HEG1: variants seen among roughly 807,000 people sequenced by gnomAD.
The protein encoded by HEG1 is heart development protein with EGF like domains 1, also known as protein HEG homolog 1.
A neutral mutation model predicts 125.6 loss-of-function variants in HEG1; 56 were observed. That is an observed-to-expected ratio of 0.45 (90% CI 0.36 to 0.56). The LOEUF (loss-of-function observed/expected upper bound fraction) is 0.56, where lower values mean the gene tolerates loss of function less well. HEG1 is among the 20% of genes least tolerant of loss of function. HEG1 has a pLI of 0.00. For missense variants in HEG1, 1,523 were observed against 1,670.0 expected (o/e 0.91, Z 1.53); for synonymous variants, 644 against 668.5 (o/e 0.96, Z 0.57).
rs1050616716 is a variant in HEG1 at position 124,968,539 on chromosome 3, T to C, written c.*2113A>G. The C allele has an allele frequency of 6.6e-6, 1 of 152,244 alleles. No individual in the cohort carries two copies. Among genetic ancestry groups the C allele is most frequent in the Non-Finnish European group, 1.5e-5 (1 of 68,056 alleles). 9.4% of individuals were successfully genotyped at this position (152,244 alleles called of 1,614,324 possible). The stretch of plus-strand genomic sequence containing the variant: ...GATGTTGGGATTCTTCCCAAGAATG[T>C]TTTCAGGACAGAACACTTCATTTTG... On this transcript the variant is annotated 3_prime_UTR_variant, in exon 17 of 17. Transcript: ENST00000311127.
At chr3:124,990,714 A>G (rs1936818718) in intron 14 of HEG1, 73 bp downstream of exon 14, 1 of 1,382,218 alleles carries the variant, frequency 7.2e-7, no homozygotes, top group East Asian at 2.5e-5. Flanking sequence ...AAGTGGGAGG[A>G]GACTGACACC....
At chr3:125,041,670 A>G (rs1247322179) in intron 1 of HEG1, among the ~76,000 whole-genome samples, 1 of 152,246 alleles carries the variant, frequency 6.6e-6, no homozygotes, top group Middle Eastern at 3.2e-3. Context: ...AGGATTATTC[A>G]CAACAGCTAA....
intron 10 of HEG1, 106 bp from the exon 11 acceptor site, chr3:125,002,118 G>T: frequency 1.3e-6 from 2 of 1,520,536 alleles, no homozygotes; most frequent in Non-Finnish European, 9.1e-7. Context: ...GGATGGGAGA[G>T]CATGAAGGTC....
chr3:125,027,105 C>T, intron 3 of HEG1, 100 bp downstream of exon 3: 3 of 1,157,048 alleles, frequency 2.6e-6, no homozygotes, highest in Non-Finnish European at 3.6e-6. Context: ...GTCTTTTCCC[C>T]TTACCCACTA....
At chr3:125,002,092 C>T (rs1330346748) in intron 10 of HEG1, 80 bp from the exon 11 acceptor site, 1 of 1,542,068 alleles carries the variant, frequency 6.5e-7, no homozygotes, top group Non-Finnish European at 8.9e-7. Flanking sequence ...AATGTCATCG[C>T]CATTCACCAG....
intron 15 of HEG1, among the ~76,000 whole-genome samples, chr3:124,977,521 G>A (rs1936568756): frequency 6.6e-6 from 1 of 152,136 alleles, no homozygotes; most frequent in Non-Finnish European, 1.5e-5. Flanking sequence ...ACCCATATTT[G>A]CAAGTATGGG....
intron 14 of HEG1, among the ~76,000 whole-genome samples, chr3:124,984,444 CAA>C (rs1936707248): frequency 6.6e-6 from 1 of 152,050 alleles, no homozygotes; most frequent in African/African-American, 2.4e-5. Context: ...TCTATGATCA[CAA>C]AATGACAATA....
chr3:125,019,659 TAAG>T (rs1937307705), intron 4 of HEG1, 62 bp from the exon 5 acceptor site: 2 of 1,360,554 alleles, frequency 1.5e-6, no homozygotes, highest in African/African-American at 2.9e-5. Flanking sequence ...CCTTGGCAAC[TAAG>T]AAGTGAGACC....
chr3:125,016,771 C>T (rs1937255087), intron 5 of HEG1, among the ~76,000 whole-genome samples: 1 of 152,150 alleles, frequency 6.6e-6, no homozygotes, highest in African/African-American at 2.4e-5. Flanking sequence ...GAATTTAAAC[C>T]TATTCAAAGC....
chr3:125,005,755 G>A (rs1405682780), intron 8 of HEG1, among the ~76,000 whole-genome samples: 1 of 152,196 alleles, frequency 6.6e-6, no homozygotes. Context: ...CCTAGGAGGA[G>A]GGAGGGAGAT....
At chr3:125,040,018 C>G (rs562846066) in intron 1 of HEG1, among the ~76,000 whole-genome samples, 1 of 152,248 alleles carries the variant, frequency 6.6e-6, no homozygotes, top group East Asian at 1.9e-4. Flanking sequence ...GAAGACTGAG[C>G]AAGAGGACTT....
intron 1 of HEG1, among the ~76,000 whole-genome samples, chr3:125,053,460 G>C (rs145241774): frequency 6.6e-6 from 1 of 152,322 alleles, no homozygotes; most frequent in Non-Finnish European, 1.5e-5. Flanking sequence ...GCTTCTAGCA[G>C]CTTCAACAGG....
intron 1 of HEG1, among the ~76,000 whole-genome samples, chr3:125,032,914 T>G (rs1224273152): frequency 1.3e-5 from 2 of 152,118 alleles, no homozygotes; most frequent in Admixed American, 6.6e-5. Flanking sequence ...GGACCAGGAT[T>G]GGAAGTCCCA....
chr3:125,042,245 T>G (rs1579437475), intron 1 of HEG1, among the ~76,000 whole-genome samples: 1 of 152,202 alleles, frequency 6.6e-6, no homozygotes, highest in African/African-American at 2.4e-5. Flanking sequence ...CTGGCCAACA[T>G]GGCAAAACCC....
chr3:124,996,124 C>T (rs148278368), intron 12 of HEG1, among the ~76,000 whole-genome samples: 136 of 151,912 alleles, frequency 9.0e-4, no homozygotes, highest in African/African-American at 3.2e-3. Context: ...AGATGTTGCC[C>T]AGGCTGCAGT....
In HEG1 at chr3:124,977,963, CA is replaced by C. The variant is rs61603696; in HGVS notation, c.3734-18del. 340,409 of 1,539,094 alleles carry C rather than the reference CA, an allele frequency of 0.22. 39,128 individuals are homozygous for C. The highest frequency in any genetic ancestry group is 0.37 in the East Asian group (15,168 of 41,156). On this transcript the variant is annotated intron_variant, in intron 14 of 16. Coordinates refer to ENST00000311127, the MANE Select transcript of HEG1 (RefSeq NM_020733.2). The stretch of plus-strand genomic sequence containing the variant: ...GCTGATAGGCTAAACGTAAAACAAA[CA>C]AAAAAGCATATTGGCTGGAGGTAAT...
At chr3:125,014,167 C>G (rs981991026) in intron 5 of HEG1, among the ~76,000 whole-genome samples, 177 bp from the exon 6 acceptor site, 5 of 152,090 alleles carry the variant, frequency 3.3e-5, no homozygotes, top group Admixed American at 3.3e-4. Flanking sequence ...TGTGGGCAGG[C>G]AGGAGTGGTC....
At chr3:124,977,795 C>T (rs1936572548) in intron 15 of HEG1, 64 bp downstream of exon 15, 5 of 1,051,916 alleles carry the variant, frequency 4.8e-6, no homozygotes, top group Non-Finnish European at 4.3e-6. Flanking sequence ...TAAAAGAATA[C>T]AAACTGACCC....
chr3:125,017,801 A>T (rs953534598), intron 5 of HEG1, among the ~76,000 whole-genome samples: 7 of 151,836 alleles, frequency 4.6e-5, no homozygotes, highest in African/African-American at 1.7e-4. Context: ...CAGGCGGATC[A>T]TGAGGTCAGG....
Sources: gnomAD v4.1 joint callset for allele counts (sites outside exome capture counted in the v4.1 genomes callset) on GRCh38, gnomAD v4.1.1 for gene constraint, MANE v1.5 for transcripts, NCBI Gene and HGNC (gene_info 2026-07-23, HGNC 2026-07-21) for gene names.